MACROD2: variants seen among roughly 807,000 people sequenced by gnomAD.
MACROD2 encodes the protein mono-ADP ribosylhydrolase 2, also known as ADP-ribose glycohydrolase MACROD2.
MACROD2 carries 36 observed loss-of-function variants against 70.4 expected under a neutral mutation model. The observed-to-expected ratio is 0.51, with a 90% CI of 0.39 to 0.68. The LOEUF (loss-of-function observed/expected upper bound fraction) is 0.68. Ranked by LOEUF, MACROD2 falls within the 30% of genes least tolerant of loss-of-function variation. The pLI is 0.00. For synonymous variants in MACROD2, 172 were observed against 178.8 expected, an observed-to-expected ratio of 0.96 and a Z score of 0.30; for missense variants, 496 against 538.4, an observed-to-expected ratio of 0.92 and a Z score of 0.78.
chr20:14,220,216 G>C (rs559821887), intron 3 of MACROD2, among the ~76,000 whole-genome samples: 12 of 152,092 alleles, frequency 7.9e-5, no homozygotes, highest in Admixed American at 2.0e-4. Context: ...GCTGCTGTTG[G>C]GGGGTGGAGG....
At chr20:14,679,365 C>T (rs1475719142) in intron 4 of MACROD2, among the ~76,000 whole-genome samples, 1 of 151,996 alleles carries the variant, frequency 6.6e-6, no homozygotes, top group Non-Finnish European at 1.5e-5. Flanking sequence ...CGTCATGGTG[C>T]CTTTAGAGAA....
chr20:15,661,891 T>G (rs772639143), intron 8 of MACROD2, among the ~76,000 whole-genome samples: 5 of 152,216 alleles, frequency 3.3e-5, no homozygotes, highest in Non-Finnish European at 7.3e-5. Flanking sequence ...CAGTAACTCA[T>G]GAGCCATTGT....
At chr20:14,199,518 CTTAAT>C (rs2081461605) in intron 3 of MACROD2, among the ~76,000 whole-genome samples, 1 of 152,164 alleles carries the variant, frequency 6.6e-6, no homozygotes, top group African/African-American at 2.4e-5. Context: ...ACAGTATACT[CTTAAT>C]TTATGCTACC....
intron 3 of MACROD2, among the ~76,000 whole-genome samples, chr20:14,462,245 A>G (rs1016930613): frequency 1.3e-5 from 2 of 152,110 alleles, no homozygotes; most frequent in African/African-American, 2.4e-5. Context: ...GTGAGATGGT[A>G]TCTCATTGTG....
chr20:15,494,123 G>A (rs1206924076), intron 7 of MACROD2, among the ~76,000 whole-genome samples: 2 of 152,198 alleles, frequency 1.3e-5, no homozygotes, highest in Non-Finnish European at 2.9e-5. Context: ...ATCTTTAATA[G>A]CTTGAAATGT....
intron 5 of MACROD2, among the ~76,000 whole-genome samples, chr20:14,857,985 T>C (rs2073273841): frequency 2.0e-5 from 3 of 151,966 alleles, no homozygotes; most frequent in Admixed American, 2.0e-4. Context: ...CACGCATGGC[T>C]AATTTTTGTA....
rs534836473 is a variant in MACROD2, at chr20:15,874,230, G to A, written c.727+11404G>A. ...GGTTTTCAGCTTCATCCATGTCCCT[G>A]CAAAGGACATGAACTCATCCTTTTT... On this transcript the variant is annotated intron_variant, in intron 9 of 17. Transcript: ENST00000684519. 3.3e-5 allele frequency among the ~76,000 whole-genome samples: 5 copies of A among 151,656 alleles called. No homozygotes were observed. In the South Asian group the frequency reaches 6.3e-4, roughly 19 times the overall value.
chr20:15,104,140 A>G (rs1266217630), intron 5 of MACROD2, among the ~76,000 whole-genome samples: 2 of 152,166 alleles, frequency 1.3e-5, no homozygotes, highest in Non-Finnish European at 2.9e-5. Flanking sequence ...AGATGAGCCC[A>G]GAGTAGCAGA....
chr20:15,257,071 T>C (rs2077205886), intron 6 of MACROD2, among the ~76,000 whole-genome samples: 2 of 152,038 alleles, frequency 1.3e-5, no homozygotes, highest in African/African-American at 4.8e-5. Flanking sequence ...TTCTTTTCTT[T>C]CTCTTAGCTA....
chr20:15,532,817 A>G (rs139862644), intron 8 of MACROD2, among the ~76,000 whole-genome samples: 282 of 152,070 alleles, frequency 1.9e-3, no homozygotes, highest in Non-Finnish European at 3.2e-3. Context: ...GCTCTCTGGC[A>G]TGAGCAAGTA....
chr20:14,461,941 G>T (rs1194232895), intron 3 of MACROD2, among the ~76,000 whole-genome samples: 1 of 151,998 alleles, frequency 6.6e-6, no homozygotes, highest in East Asian at 1.9e-4. Context: ...AGTGCTGCAA[G>T]AAACATACGT....
chr20:15,626,091 A>C (rs944304504), intron 8 of MACROD2, among the ~76,000 whole-genome samples: 3 of 152,132 alleles, frequency 2.0e-5, no homozygotes, highest in South Asian at 2.1e-4. Context: ...AACCATACAG[A>C]TGAAGGAAGG....
At chr20:15,500,451 A>G (rs2047350643) in intron 8 of MACROD2, among the ~76,000 whole-genome samples, 1 of 152,208 alleles carries the variant, frequency 6.6e-6, no homozygotes, top group Non-Finnish European at 1.5e-5. Flanking sequence ...GAATTACTCA[A>G]GTAAACAAAG....
chr20:15,614,732 T>C (rs908050214), intron 8 of MACROD2, among the ~76,000 whole-genome samples: 5 of 152,164 alleles, frequency 3.3e-5, no homozygotes, highest in East Asian at 1.9e-4. Flanking sequence ...CTCGAGGAGA[T>C]TGATATATCT....
intron 8 of MACROD2, among the ~76,000 whole-genome samples, chr20:15,642,255 G>A (rs969497089): frequency 6.6e-6 from 1 of 152,034 alleles, no homozygotes. Context: ...ATCTGTCCTC[G>A]GTTATTTCTG....
chr20:15,135,465 A>C (rs2076139533), intron 5 of MACROD2, among the ~76,000 whole-genome samples: 3 of 148,024 alleles, frequency 2.0e-5, no homozygotes, highest in South Asian at 4.3e-4. Flanking sequence ...GACAAAAGCC[A>C]CGTGATTATC....
intron 5 of MACROD2, among the ~76,000 whole-genome samples, chr20:15,098,793 G>A (rs532472039): frequency 6.6e-6 from 1 of 152,366 alleles, no homozygotes; most frequent in African/African-American, 2.4e-5. Context: ...CTAACTGCAG[G>A]TAGATGTTTC....
At chr20:15,774,919 C>T (rs1206252026) in intron 8 of MACROD2, among the ~76,000 whole-genome samples, 1 of 152,052 alleles carries the variant, frequency 6.6e-6, no homozygotes. Context: ...TTGGTTTGTG[C>T]TCCTAGCTCC....
chr20:15,783,704 A>G (rs1224736830), intron 8 of MACROD2, among the ~76,000 whole-genome samples: 2 of 152,218 alleles, frequency 1.3e-5, no homozygotes, highest in East Asian at 3.8e-4. Context: ...AAATGAGGCT[A>G]TATGGTCACT....
Sources: allele counts gnomAD v4.1 joint callset (sites outside exome capture counted in the v4.1 genomes callset), GRCh38; gene constraint gnomAD v4.1.1; transcripts MANE v1.5; gene names NCBI Gene and HGNC (gene_info 2026-07-23, HGNC 2026-07-21).